MAGI1: variants seen among roughly 807,000 people sequenced by gnomAD.
The protein encoded by MAGI1 is membrane-associated guanylate kinase, WW and PDZ domain-containing protein 1.
MAGI1 carries 58 observed loss-of-function variants against 139.9 expected under a neutral mutation model. The ratio of observed to expected loss-of-function variants is 0.41; its 90% confidence interval spans 0.34 to 0.52. The LOEUF (loss-of-function observed/expected upper bound fraction) is 0.52. MAGI1 is among the 20% of genes least tolerant of loss of function. MAGI1 has a pLI of 0.12. For synonymous variants in MAGI1, 812 were observed against 737.9 expected (o/e 1.10, Z -1.63); for missense variants, 1,874 against 1,901.6 (o/e 0.99, Z 0.27).
At chr3:65,666,415 T>A (rs1436187871) in intron 1 of MAGI1, among the ~76,000 whole-genome samples, 1 of 152,210 alleles carries the variant, frequency 6.6e-6, no homozygotes, top group Non-Finnish European at 1.5e-5. Flanking sequence ...AGTATAGAAT[T>A]CTCCAAAGGC....
intron 1 of MAGI1, among the ~76,000 whole-genome samples, chr3:65,980,592 A>G (rs2107267890): frequency 6.7e-6 from 1 of 149,398 alleles, no homozygotes; most frequent in Non-Finnish European, 1.5e-5. Flanking sequence ...CAAGATAGAG[A>G]AGTCATTGTG....
chr3:65,420,167 T>A (rs1292951740), intron 12 of MAGI1, among the ~76,000 whole-genome samples: 1 of 152,162 alleles, frequency 6.6e-6, no homozygotes, highest in African/African-American at 2.4e-5. Context: ...CTTCACCGTG[T>A]GAATCTGGAC....
rs537884283 is a variant in MAGI1 at position 65,516,929 on chromosome 3, C to T, written c.431-23298G>A. ...ATTTTTAGTAGAGACGGGGTTTCAC[C>T]GTTTTAGCCGGGATGGTCTCGATCT... On this transcript the variant is annotated intron_variant, in intron 2 of 22. Coordinates refer to ENST00000402939, the MANE Select transcript of MAGI1 (RefSeq NM_001033057.2). Among the ~76,000 whole-genome samples, 931 of 150,512 alleles carry T rather than the reference C, an allele frequency of 6.2e-3. 12 individuals are homozygous for T. The highest frequency in any genetic ancestry group is 0.021 in the Middle Eastern group (6 of 292).
intron 1 of MAGI1, among the ~76,000 whole-genome samples, chr3:65,645,754 G>C (rs2085224205): frequency 6.6e-6 from 1 of 152,064 alleles, no homozygotes; most frequent in Non-Finnish European, 1.5e-5. Flanking sequence ...AGGATGTAAA[G>C]AGACGTAAGG....
At chr3:65,862,007 C>T (rs1228313937) in intron 1 of MAGI1, among the ~76,000 whole-genome samples, 1 of 152,170 alleles carries the variant, frequency 6.6e-6, no homozygotes, top group Admixed American at 6.5e-5. Flanking sequence ...TAATTGGCAC[C>T]ACCAGGCTCC....
At chr3:65,996,951 T>C (rs1277558746) in intron 1 of MAGI1, among the ~76,000 whole-genome samples, 3 of 152,238 alleles carry the variant, frequency 2.0e-5, no homozygotes, top group African/African-American at 7.2e-5. Context: ...ACACACACCT[T>C]GTCAGGTATT....
chr3:65,992,218 C>T (rs866010904), intron 1 of MAGI1, among the ~76,000 whole-genome samples: 37 of 152,222 alleles, frequency 2.4e-4, no homozygotes, highest in African/African-American at 8.4e-4. Context: ...CATACACTAA[C>T]TGGCATATAA....
intron 1 of MAGI1, among the ~76,000 whole-genome samples, chr3:65,715,037 G>T (rs1335394563): frequency 1.3e-5 from 2 of 152,050 alleles, no homozygotes; most frequent in Non-Finnish European, 2.9e-5. Context: ...TAGAGATGGT[G>T]GGGGGTGGGA....
At position 65,823,782 on chromosome 3, in the gene MAGI1, T is replaced by A. The variant is rs114963791; in HGVS notation, c.314-201694A>T. Among the ~76,000 whole-genome samples, 687 of 152,306 alleles carry A rather than the reference T, an allele frequency of 4.5e-3. 6 individuals are homozygous for A. Among genetic ancestry groups the A allele is most frequent in the African/African-American group, 0.016 (662 of 41,560 alleles). ...TGTACAATGTGCCAGAGCTGACCTA[T>A]AAGCACTGAGGATGCTTCGTATAAG... On this transcript the variant is annotated intron_variant, in intron 1 of 22. Transcript: ENST00000402939.
chr3:65,478,698 C>T lies in MAGI1; in HGVS notation c.651G>A (p.Ser217=), dbSNP rs562279477. Residue 217 remains serine (S), a synonymous_variant, in exon 4 of 23, where the codon TCG becomes TCA. Coordinates refer to ENST00000402939, the MANE Select transcript of MAGI1 (RefSeq NM_001033057.2). ...TGTAGGACTTGGTTCGCTTCGGGGT[C>T]GACTGCTTAGAGCCAGACTGAAGGC... The part of the protein sequence containing the change: ...LHSLQSGSKQ[S]TPKRTKSYND... 23 of 1,613,988 alleles carry T rather than the reference C, an allele frequency of 1.4e-5. No homozygotes were observed. Among genetic ancestry groups the T allele is most frequent in the Non-Finnish European group, 1.9e-5 (23 of 1,179,974 alleles).
chr3:65,439,531 C>T (rs969106717), intron 9 of MAGI1, among the ~76,000 whole-genome samples: 4 of 152,242 alleles, frequency 2.6e-5, no homozygotes, highest in Admixed American at 1.3e-4. Flanking sequence ...CCCAGTAACT[C>T]CACTTAAAGT....
chr3:65,757,872 C>T (rs1326321221), intron 1 of MAGI1, among the ~76,000 whole-genome samples: 1 of 152,146 alleles, frequency 6.6e-6, no homozygotes, highest in Non-Finnish European at 1.5e-5. Flanking sequence ...GCAAGACAAA[C>T]TTCAATTTTA....
intron 2 of MAGI1, among the ~76,000 whole-genome samples, chr3:65,498,692 A>C (rs1350628401): frequency 1.3e-5 from 2 of 152,240 alleles, no homozygotes; most frequent in African/African-American, 4.8e-5. Context: ...GCAATGTGAC[A>C]GCAGCATCCC....
chr3:65,814,209 T>C (rs553463774), intron 1 of MAGI1, among the ~76,000 whole-genome samples: 6 of 151,960 alleles, frequency 3.9e-5, no homozygotes, highest in Non-Finnish European at 7.4e-5. Flanking sequence ...ACTAATAAAC[T>C]CCTAATAGTG....
intron 1 of MAGI1, among the ~76,000 whole-genome samples, chr3:65,799,828 A>G (rs1320023265): frequency 6.6e-6 from 1 of 152,208 alleles, no homozygotes; most frequent in Admixed American, 6.5e-5. Context: ...TCTGTAGTGT[A>G]TTGCACATTT....
chr3:65,422,324 T>G (rs1946685921), intron 12 of MAGI1, among the ~76,000 whole-genome samples: 1 of 152,228 alleles, frequency 6.6e-6, no homozygotes, highest in Non-Finnish European at 1.5e-5. Flanking sequence ...CTCCCACATC[T>G]TGGCCTATGG....
chr3:65,480,409 T>C (rs1009335742), intron 3 of MAGI1, among the ~76,000 whole-genome samples: 8 of 151,882 alleles, frequency 5.3e-5, no homozygotes, highest in African/African-American at 1.9e-4. Context: ...GGTACTCTCC[T>C]GTAGTCCCAG....
At chr3:65,713,909 G>T (rs1219506853) in intron 1 of MAGI1, among the ~76,000 whole-genome samples, 1 of 152,088 alleles carries the variant, frequency 6.6e-6, no homozygotes, top group Non-Finnish European at 1.5e-5. Context: ...TCACTCCAAT[G>T]CTGGAAAAAG....
chr3:65,686,796 G>GT (rs1559786490), intron 1 of MAGI1, among the ~76,000 whole-genome samples: 1 of 152,182 alleles, frequency 6.6e-6, no homozygotes, highest in Non-Finnish European at 1.5e-5. Flanking sequence ...TGCACAGTAT[G>GT]TTTTTTATAG....
Sources: allele counts gnomAD v4.1 joint callset (sites outside exome capture counted in the v4.1 genomes callset), GRCh38; gene constraint gnomAD v4.1.1; transcripts MANE v1.5; gene names NCBI Gene and HGNC (gene_info 2026-07-23, HGNC 2026-07-21).